UNC13C: variants seen among roughly 807,000 people sequenced by gnomAD.
The protein encoded by UNC13C is protein unc-13 homolog C.
In UNC13C, 174 loss-of-function variants were observed where a neutral mutation model predicts 245.4. That is an observed-to-expected ratio of 0.71 (90% CI 0.63 to 0.80). The LOEUF (loss-of-function observed/expected upper bound fraction) is 0.80. Ranked by LOEUF, UNC13C falls within the 30% of genes least tolerant of loss-of-function variation. The pLI is 0.00. For missense variants in UNC13C, 2,829 were observed against 2,602.9 expected (o/e 1.09, Z -1.89); for synonymous variants, 992 against 895.1 (o/e 1.11, Z -1.93).
intron 2 of UNC13C, among the ~76,000 whole-genome samples, chr15:54,113,715 A>T (rs1595871905): frequency 6.6e-6 from 1 of 152,034 alleles, no homozygotes; most frequent in Non-Finnish European, 1.5e-5. Context: ...TGTCCCAGTT[A>T]CTCGGGAGGC....
chr15:54,345,492 G>C (rs976629360), intron 17 of UNC13C, among the ~76,000 whole-genome samples: 2 of 152,178 alleles, frequency 1.3e-5, no homozygotes, highest in Non-Finnish European at 2.9e-5. Context: ...GTCACCTGCA[G>C]TGCAATAACC....
chr15:54,331,993 T>C (rs1192338850), intron 14 of UNC13C, 50 bp from the exon 15 acceptor site: 9 of 1,253,628 alleles, frequency 7.2e-6, no homozygotes, highest in Middle Eastern at 1.9e-4. Flanking sequence ...ATGAGGTCTT[T>C]AGAGTGGTCA....
At chr15:54,408,063 T>A (rs1456593212) in intron 18 of UNC13C, among the ~76,000 whole-genome samples, 1 of 151,336 alleles carries the variant, frequency 6.6e-6, no homozygotes, top group Non-Finnish European at 1.5e-5. Flanking sequence ...TAGCCGGGCA[T>A]GGTGGCGGGC....
chr15:54,442,799 G>A (rs553644042), intron 19 of UNC13C, among the ~76,000 whole-genome samples: 7 of 152,096 alleles, frequency 4.6e-5, no homozygotes, highest in African/African-American at 1.7e-4. Flanking sequence ...TTTGTGATGT[G>A]CTGTTGGATT....
intron 22 of UNC13C, among the ~76,000 whole-genome samples, chr15:54,503,252 T>G (rs1267095802): frequency 6.6e-6 from 1 of 152,138 alleles, no homozygotes; most frequent in African/African-American, 2.4e-5. Flanking sequence ...AAATTAGTGA[T>G]TTTCATTGAA....
At chr15:54,035,165 T>G (rs963384162) in intron 2 of UNC13C, among the ~76,000 whole-genome samples, 1 of 152,192 alleles carries the variant, frequency 6.6e-6, no homozygotes, top group Non-Finnish European at 1.5e-5. Flanking sequence ...TACACATGTC[T>G]AAAGGGGCCT....
chr15:54,222,240 C>G (rs1596032362), intron 4 of UNC13C, among the ~76,000 whole-genome samples: 2 of 152,052 alleles, frequency 1.3e-5, no homozygotes, highest in Admixed American at 6.6e-5. Context: ...CAACCCTCCT[C>G]CACCCACCCC....
At chr15:54,199,406 C>G (rs2034452465) in intron 4 of UNC13C, among the ~76,000 whole-genome samples, 2 of 152,018 alleles carry the variant, frequency 1.3e-5, no homozygotes, top group East Asian at 3.9e-4. Flanking sequence ...TATCTGAAGT[C>G]TAGACAAAGG....
intron 31 of UNC13C, among the ~76,000 whole-genome samples, chr15:54,623,020 A>ATATT (rs1434881219): frequency 1.3e-5 from 2 of 152,182 alleles, no homozygotes; most frequent in African/African-American, 2.4e-5. Flanking sequence ...TAAAATAGCT[A>ATATT]TATTTTAGAA....
At chr15:54,375,594 C>A (rs1306909032) in intron 17 of UNC13C, among the ~76,000 whole-genome samples, 1 of 152,210 alleles carries the variant, frequency 6.6e-6, no homozygotes, top group Non-Finnish European at 1.5e-5. Context: ...AGAAGGACTA[C>A]ATTGTGTGAG....
intron 2 of UNC13C, among the ~76,000 whole-genome samples, chr15:54,078,846 C>T (rs12438622): frequency 0.47 from 71,233 of 151,778 alleles, 18,643 homozygotes; most frequent in Non-Finnish European, 0.6. Flanking sequence ...TTGTTTCTGT[C>T]GCATTTACTT....
intron 2 of UNC13C, among the ~76,000 whole-genome samples, chr15:54,086,072 A>C (rs1391348585): frequency 6.6e-6 from 1 of 152,190 alleles, no homozygotes; most frequent in Non-Finnish European, 1.5e-5. Flanking sequence ...TTTGTGTTGT[A>C]AACACTCACA....
intron 19 of UNC13C, among the ~76,000 whole-genome samples, chr15:54,487,878 C>A (rs1893504227): frequency 2.6e-5 from 4 of 151,202 alleles, no homozygotes; most frequent in Admixed American, 2.0e-4. Flanking sequence ...CTAGAGGATT[C>A]ACATTGGTCC....
chr15:54,246,123 G>T (rs770123276), intron 7 of UNC13C, among the ~76,000 whole-genome samples: 2 of 152,156 alleles, frequency 1.3e-5, no homozygotes, highest in Non-Finnish European at 2.9e-5. Context: ...TCTTCAGGTA[G>T]TAATCAATAG....
At chr15:54,337,025 A>G (rs2038595246) in intron 16 of UNC13C, among the ~76,000 whole-genome samples, 1 of 152,212 alleles carries the variant, frequency 6.6e-6, no homozygotes, top group South Asian at 2.1e-4. Context: ...TAACAATATT[A>G]AAACTTCAAC....
At chr15:54,533,944 A>C (rs1245041741) in intron 26 of UNC13C, among the ~76,000 whole-genome samples, 1 of 152,244 alleles carries the variant, frequency 6.6e-6, no homozygotes, top group African/African-American at 2.4e-5. Context: ...CCAAGGGACC[A>C]GTGTCATATA....
the UNC13C span, among the ~76,000 whole-genome samples, chr15:53,941,410 C>G: frequency 6.6e-6 from 1 of 152,096 alleles, no homozygotes; most frequent in Non-Finnish European, 1.5e-5. Flanking sequence ...ACAAAAATGA[C>G]AAAAGCAATT....
intron 19 of UNC13C, among the ~76,000 whole-genome samples, chr15:54,433,157 A>T (rs2040906940): frequency 6.6e-6 from 1 of 152,128 alleles, no homozygotes; most frequent in Admixed American, 6.6e-5. Flanking sequence ...TACCAGAGAT[A>T]CAAAGAGGAG....
intron 18 of UNC13C, among the ~76,000 whole-genome samples, chr15:54,411,781 T>C (rs951183007): frequency 3.3e-5 from 5 of 152,164 alleles, no homozygotes; most frequent in Non-Finnish European, 1.5e-5. Context: ...CTTCTAGTGC[T>C]TTTACTTTGC....
Sources: gnomAD v4.1 joint callset for allele counts (sites outside exome capture counted in the v4.1 genomes callset) on GRCh38, gnomAD v4.1.1 for gene constraint, MANE v1.5 for transcripts, NCBI Gene and HGNC (gene_info 2026-07-23, HGNC 2026-07-21) for gene names.